Variants in ATOSA observed in about 807,000 individuals in gnomAD.
ATOSA encodes atos homolog protein A.
the ATOSA span, among the ~76,000 whole-genome samples, chr15:52,686,074 T>C: frequency 6.6e-6 from 1 of 152,160 alleles, no homozygotes; most frequent in East Asian, 1.9e-4. Context: ...TCATACTTAT[T>C]AGAGGGTCAC....
At chr15:52,635,152 A>T in the ATOSA span, among the ~76,000 whole-genome samples, 1 of 152,230 alleles carries the variant, frequency 6.6e-6, no homozygotes, top group Non-Finnish European at 1.5e-5. Flanking sequence ...TGTACGAAGC[A>T]AAGACCAATG....
the ATOSA span, among the ~76,000 whole-genome samples, chr15:52,667,576 A>C: frequency 6.6e-6 from 1 of 152,226 alleles, no homozygotes; most frequent in South Asian, 2.1e-4. Context: ...TGGCTCAGAG[A>C]GGAAAAAAGG....
the ATOSA span, among the ~76,000 whole-genome samples, chr15:52,635,544 A>G: frequency 6.6e-6 from 1 of 151,806 alleles, no homozygotes; most frequent in Non-Finnish European, 1.5e-5. Context: ...CACACACACA[A>G]AATTAGCCAG....
the ATOSA span, chr15:52,610,038 A>T: frequency 6.2e-7 from 1 of 1,613,990 alleles, no homozygotes; most frequent in African/African-American, 1.3e-5. Context: ...TGACAGCTGC[A>T]GTATATTCTG....
the ATOSA span, among the ~76,000 whole-genome samples, chr15:52,672,575 GT>G: frequency 6.6e-6 from 1 of 151,498 alleles, no homozygotes; most frequent in African/African-American, 2.4e-5. Flanking sequence ...CTCAAAAAGG[GT>G]GAAAACATTT....
At chr15:52,648,214 T>C in the ATOSA span, among the ~76,000 whole-genome samples, 1 of 152,050 alleles carries the variant, frequency 6.6e-6, no homozygotes. Flanking sequence ...CCCACAATCA[T>C]CCTAAAATCT....
At chr15:52,641,524 T>C in the ATOSA span, among the ~76,000 whole-genome samples, 78 of 152,300 alleles carry the variant, frequency 5.1e-4, no homozygotes, top group Non-Finnish European at 3.4e-4. Context: ...ATGAGAATGA[T>C]AGCTTGCCAA....
At chr15:52,649,196 T>C in the ATOSA span, among the ~76,000 whole-genome samples, 1 of 152,116 alleles carries the variant, frequency 6.6e-6, no homozygotes, top group African/African-American at 2.4e-5. Flanking sequence ...AAGACCAAAG[T>C]TTTGGCCCTG....
chr15:52,618,694 T>C, the ATOSA span, among the ~76,000 whole-genome samples: 1 of 152,222 alleles, frequency 6.6e-6, no homozygotes, highest in African/African-American at 2.4e-5. Context: ...TTCTTCTTCT[T>C]CTTTTTTAGA....
At chr15:52,609,815 T>C in the ATOSA span, 1 of 1,613,404 alleles carries the variant, frequency 6.2e-7, no homozygotes, top group Non-Finnish European at 8.5e-7. Context: ...CGCTCCTGAA[T>C]TAAAGAGCCT....
At chr15:52,620,983 C>T in the ATOSA span, among the ~76,000 whole-genome samples, 10 of 152,166 alleles carry the variant, frequency 6.6e-5, no homozygotes, top group South Asian at 4.1e-4. Flanking sequence ...CTTCATGATG[C>T]GCAATCGAGT....
the ATOSA span, among the ~76,000 whole-genome samples, chr15:52,675,218 T>G: frequency 6.6e-6 from 1 of 152,168 alleles, no homozygotes; most frequent in Non-Finnish European, 1.5e-5. Context: ...TATTGTGAAA[T>G]CTATCATGCT....
the ATOSA span, among the ~76,000 whole-genome samples, chr15:52,619,357 TG>T: frequency 6.6e-6 from 1 of 152,206 alleles, no homozygotes; most frequent in African/African-American, 2.4e-5. Context: ...GACTAATTTT[TG>T]GGAAATATGT....
chr15:52,604,437 C>T, the ATOSA span, among the ~76,000 whole-genome samples: 7 of 152,204 alleles, frequency 4.6e-5, no homozygotes, highest in Non-Finnish European at 1.0e-4. Flanking sequence ...AAAACACATA[C>T]AACTAAAAAT....
At chr15:52,683,065 GC>G in the ATOSA span, among the ~76,000 whole-genome samples, 1 of 152,124 alleles carries the variant, frequency 6.6e-6, no homozygotes, top group Admixed American at 6.5e-5. Flanking sequence ...AAATACAAGG[GC>G]CTCTAAACTT....
the ATOSA span, among the ~76,000 whole-genome samples, chr15:52,686,489 A>G: frequency 5.3e-5 from 8 of 152,244 alleles, no homozygotes; most frequent in Non-Finnish European, 1.2e-4. Context: ...GTAAGAATGC[A>G]TAAAAACTAC....
At chr15:52,683,304 A>G in the ATOSA span, among the ~76,000 whole-genome samples, 4 of 152,362 alleles carry the variant, frequency 2.6e-5, no homozygotes, top group African/African-American at 9.6e-5. Flanking sequence ...GCTATATTTA[A>G]TAAGTAGAAG....
the ATOSA span, chr15:52,587,283 A>G: frequency 7.6e-7 from 1 of 1,309,350 alleles, no homozygotes; most frequent in South Asian, 1.3e-5. Flanking sequence ...GACTAAAATA[A>G]GAATAACTCA....
chr15:52,688,692 T>C, the ATOSA span, among the ~76,000 whole-genome samples: 5 of 152,210 alleles, frequency 3.3e-5, no homozygotes, highest in South Asian at 1.0e-3. Flanking sequence ...TGAGGTTTTA[T>C]CTGAAGGTAT....
Sources: allele counts gnomAD v4.1 joint callset (sites outside exome capture counted in the v4.1 genomes callset), GRCh38; gene constraint gnomAD v4.1.1; transcripts MANE v1.5; gene names NCBI Gene and HGNC (gene_info 2026-07-23, HGNC 2026-07-21).